SELE: variants seen among roughly 807,000 people sequenced by gnomAD.
SELE encodes E-selectin.
Under a neutral mutation model 75.8 loss-of-function variants are expected in SELE, and 52 were observed. The observed-to-expected ratio is 0.69, with a 90% CI of 0.55 to 0.86. The LOEUF is 0.86. SELE is among the 40% of genes least tolerant of loss of function. The pLI is 0.00. For missense variants in SELE, 754 were observed against 732.7 expected (o/e 1.03, Z -0.34); for synonymous variants, 285 against 258.7 (o/e 1.10, Z -0.98).
intron 7 of SELE, 75 bp from the exon 8 acceptor site, chr1:169,728,321 A>G: frequency 1.5e-6 from 2 of 1,334,410 alleles, no homozygotes; most frequent in Non-Finnish European, 2.1e-6. Flanking sequence ...GAGTGAACCC[A>G]GTTCATTCAA....
chr1:169,726,864 C>T (rs961282583), intron 10 of SELE, 58 bp from the exon 11 acceptor site: 35 of 1,229,064 alleles, frequency 2.8e-5, no homozygotes, highest in Admixed American at 2.0e-4. Flanking sequence ...AAAGTCTCTC[C>T]GTCCTGTCCC....
Position 169,727,721 on chromosome 1 carries a change from G to C in SELE, c.1468+18C>G, listed in dbSNP as rs1432401823. 1 of 1,610,500 alleles carries C rather than the reference G, an allele frequency of 6.2e-7. No individual in the cohort carries two copies. The highest frequency in any genetic ancestry group is 1.3e-5 in the African/African-American group (1 of 74,840). On this transcript the variant is annotated intron_variant, in intron 9 of 13. Transcript: ENST00000333360. ...AGTATTTGACCTGTACCCTAAAAAA[G>C]TCTGCACTCAATTCTACCTTGGCAG...
At chr1:169,733,695 G>C (rs1648975337) in intron 1 of SELE, 35 bp from the exon 2 acceptor site, 17 of 1,360,778 alleles carry the variant, frequency 1.2e-5, no homozygotes, top group Admixed American at 3.4e-5. Context: ...ATTAAAGAAG[G>C]AAATCGTGGG....
rs966700515 is a variant in SELE at position 169,723,574 on chromosome 1, C to T, written c.*951G>A. The T allele has an allele frequency of 2.6e-5, 4 of 152,174 alleles. No individual in the cohort carries two copies. The highest frequency in any genetic ancestry group is 9.7e-5 in the African/African-American group (4 of 41,440). The allele number at this position is 152,174 out of a possible 1,614,324, so 9.4% of individuals were successfully genotyped here. On this transcript the variant is annotated 3_prime_UTR_variant, in exon 14 of 14. Coordinates refer to ENST00000333360, the MANE Select transcript of SELE (RefSeq NM_000450.2). ...GAAAAAATATCTGACAATATACAAA[C>T]CTTCCATTCAGTTTTTACTCTCCAA...
chr1:169,729,064 C>T (rs111268139), intron 7 of SELE, 122 bp downstream of exon 7: 54 of 793,906 alleles, frequency 6.8e-5, no homozygotes, highest in Non-Finnish European at 8.7e-5. Context: ...CTCAAAGATA[C>T]GAGGGTTGCT....
chr1:169,726,886 T>C (rs1436628959), intron 10 of SELE, 80 bp from the exon 11 acceptor site: 1 of 923,510 alleles, frequency 1.1e-6, no homozygotes, highest in East Asian at 2.6e-5. Flanking sequence ...TTGGCCTTTT[T>C]TCTGTACATT....
Position 169,726,798 on chromosome 1 carries a change from C to T in SELE, c.1654G>A (p.Glu552Lys), listed in dbSNP as rs1424618220. 6.2e-7 allele frequency: 1 copy of T among 1,610,982 alleles called. No individual in the cohort carries two copies. The highest frequency in any genetic ancestry group is 1.3e-5 in the African/African-American group (1 of 74,968). The change falls in exon 11 of 14, where the codon GAG becomes AAG. Residue 552 changes from glutamate to lysine, a missense_variant. By Grantham distance (56) the Glu-to-Lys change is moderately conservative. Coordinates refer to ENST00000333360, the MANE Select transcript of SELE (RefSeq NM_000450.2). ...CCAGCTACCAAGGGAATGTTGGACT[C>T]AGTGGGAGCTAAGGAAGTAAGAGAC... is the stretch of plus-strand genomic sequence containing the variant. ...GLLPTCEAPT[E>K]SNIPLVAGLS...
chr1:169,730,389 G>A, intron 5 of SELE, 43 bp downstream of exon 5: 2 of 1,436,706 alleles, frequency 1.4e-6, no homozygotes, highest in South Asian at 1.5e-5. Flanking sequence ...AAGCAATGAG[G>A]GATGAGTTAC....
intron 10 of SELE, 127 bp from the exon 11 acceptor site, chr1:169,726,933 A>G (rs1648788773): frequency 1.5e-6 from 1 of 673,440 alleles, no homozygotes; most frequent in African/African-American, 1.8e-5. Flanking sequence ...AGTTTAATAC[A>G]AGAAGCAGAG....
Position 169,733,958 on chromosome 1 carries a change from G to T in SELE, c.-49+13C>A, listed in dbSNP as rs759945361. ...TGGCCCGAGGCTGCCCTTATAAAGC[G>T]TTCTGCACTTACCGTTTTGGGAAGC... On this transcript the variant is annotated intron_variant, in intron 1 of 13. Coordinates refer to ENST00000333360, the MANE Select transcript of SELE (RefSeq NM_000450.2). The T allele has an allele frequency of 1.5e-5, 4 of 273,748 alleles. No homozygotes were observed. Among genetic ancestry groups the T allele is most frequent in the Admixed American group, 4.9e-5 (1 of 20,264 alleles). 17.0% of individuals were successfully genotyped at this position (273,748 alleles called of 1,614,324 possible).
intron 13 of SELE, among the ~76,000 whole-genome samples, chr1:169,725,388 TA>T (rs200945630): frequency 1.8e-3 from 248 of 136,250 alleles, no homozygotes; most frequent in Non-Finnish European, 1.9e-3. Context: ...ATCTCAAAAT[TA>T]AAAAAAAAAA....
In SELE at chr1:169,728,238, A is replaced by G. The variant is rs767592446; in HGVS notation, c.1099T>C (p.Cys367Arg). 2 of 1,613,158 alleles carry G rather than the reference A, an allele frequency of 1.2e-6. No individual in the cohort carries two copies. Among genetic ancestry groups the G allele is most frequent in the East Asian group, 2.2e-5 (1 of 44,868 alleles). Residue 367 changes from cysteine to arginine, a missense_variant, in exon 8 of 14, where the codon TGC (cysteine) becomes CGC (arginine). Coordinates refer to ENST00000333360, the MANE Select transcript of SELE (RefSeq NM_000450.2). ...CGCTCGGGGTTGGACAAGGCTGTGC[A>G]CTGGAAAGCTGAGACATCAAAATGA... Reference protein sequence around the residue: ...QQIPVCEAFQCTALSNPERGY... With the variant: ...QQIPVCEAFQRTALSNPERGY...
At chr1:169,727,302 CT>C in intron 10 of SELE, 46 bp downstream of exon 10, 1 of 1,570,926 alleles carries the variant, frequency 6.4e-7, no homozygotes. Context: ...ATAGCTCCCC[CT>C]TTTTCTTTTT....
Position 169,732,856 on chromosome 1 carries a change from G to C in SELE, c.180C>G (p.Asn60Lys), listed in dbSNP as rs775689108. The change falls in exon 3 of 14, where the codon AAC (asparagine) becomes AAG (lysine). Residue 60 changes from asparagine (N) to lysine (K), a missense_variant. Asn to Lys is a moderately conservative substitution (Grantham distance 94, BLOSUM62 0). Coordinates refer to ENST00000333360, the MANE Select transcript of SELE (RefSeq NM_000450.2). ...IQNKEEIEYL[N>K]SILSYSPSYY... ...AACTTGGTGAATAGCTCAATATGGAGTTTAGGTACTCAATCTCTTCTTTGT... is the reference window on the plus strand; with the variant it reads ...AACTTGGTGAATAGCTCAATATGGACTTTAGGTACTCAATCTCTTCTTTGT... The C allele has an allele frequency of 3.7e-6, 6 of 1,614,180 alleles. No homozygotes were observed. The highest frequency in any genetic ancestry group is 5.1e-6 in the Non-Finnish European group (6 of 1,180,024).
intron 5 of SELE, 60 bp from the exon 6 acceptor site, chr1:169,729,733 G>T: frequency 6.5e-7 from 1 of 1,543,408 alleles, no homozygotes. Flanking sequence ...ACTTCCTATT[G>T]AGCTGGGTGC....
At position 169,727,754 on chromosome 1, in the gene SELE, C is replaced by G; in HGVS notation, c.1453G>C (p.Val485Leu). 4 of 1,613,868 alleles carry G rather than the reference C, an allele frequency of 2.5e-6. No individual in the cohort carries two copies. The highest frequency in any genetic ancestry group is 3.4e-6 in the Non-Finnish European group (4 of 1,179,862). Reference protein sequence around the residue: ...CTSQGQWTEEVPSCQVVKCSS... With the variant: ...CTSQGQWTEELPSCQVVKCSS... ...TCAATTCTACCTTGGCAGGAAGGAACCTCTTCTGTCCATTGTCCCTGAGAT... is the reference window on the plus strand; with the variant it reads ...TCAATTCTACCTTGGCAGGAAGGAAGCTCTTCTGTCCATTGTCCCTGAGAT... Residue 485 changes from valine (V) to leucine (L), a missense_variant, in exon 9 of 14, where the codon GTT becomes CTT. Val to Leu is a conservative substitution (Grantham distance 32). Coordinates refer to ENST00000333360, the MANE Select transcript of SELE (RefSeq NM_000450.2).
Position 169,723,465 on chromosome 1 carries a change from CT to C in SELE, c.*1059del, listed in dbSNP as rs1455260078. The C allele has an allele frequency of 2.0e-5, 3 of 152,126 alleles. No homozygotes were observed. In the East Asian group the frequency reaches 5.8e-4, roughly 29 times the overall value. The allele number at this position is 152,126 out of a possible 1,614,324, so 9.4% of individuals were successfully genotyped here. A position where few individuals can be genotyped will look rare whatever the true frequency, so the allele number is the denominator to read the frequency against. ...AACAAAGACATTCATAAAATTATAC[CT>C]TTGTGTGTTTGCATTTATGCTTTTA... On this transcript the variant is annotated 3_prime_UTR_variant, in exon 14 of 14. Coordinates refer to ENST00000333360, the MANE Select transcript of SELE (RefSeq NM_000450.2).
At position 169,733,578 on chromosome 1, in the gene SELE, A is replaced by T; in HGVS notation, c.35T>A (p.Leu12Ter). ...IASQFLSALT[L>*]VLLIKESGAW... ...TTGGTCTAATGGCACTGACTTACCCAAAGTGAGAGCTGAGAGAAACTGTGA... is the reference window on the plus strand; with the variant it reads ...TTGGTCTAATGGCACTGACTTACCCTAAGTGAGAGCTGAGAGAAACTGTGA... Residue 12 changes from leucine to a stop codon, truncating the protein, a stop_gained and splice_region_variant, in exon 2 of 14, where the codon TTG (leucine) becomes TAG (stop). Coordinates refer to ENST00000333360, the MANE Select transcript of SELE (RefSeq NM_000450.2). LOFTEE classifies it high-confidence loss of function. 4.3e-6 allele frequency: 7 copies of T among 1,613,964 alleles called. No homozygotes were observed. The highest frequency in any genetic ancestry group is 5.9e-6 in the Non-Finnish European group (7 of 1,179,814).
rs770263877 is a variant in SELE, at chr1:169,730,524, A to G, written c.623T>C (p.Ile208Thr). The G allele has an allele frequency of 1.4e-5, 22 of 1,613,936 alleles. 1 individual carries two copies. The South Asian group carries it at 2.4e-4, about 18-fold the overall frequency. Residue 208 changes from isoleucine (I) to threonine (T), a missense_variant, in exon 5 of 14, where the codon ATC becomes ACC. Coordinates refer to ENST00000333360, the MANE Select transcript of SELE (RefSeq NM_000450.2). ...GNFSYNSSCS[I>T]SCDRGYLPSS... is the part of the protein sequence containing the mutation. Reference sequence around the variant, plus strand: ...TGGCAGGTAACCCCTATCACAGCTGATAGAGCAGGAAGAATTGTAGCTGAA... The same window carrying G: ...TGGCAGGTAACCCCTATCACAGCTGGTAGAGCAGGAAGAATTGTAGCTGAA...
Sources: gnomAD v4.1 joint callset for allele counts (sites outside exome capture counted in the v4.1 genomes callset) on GRCh38, gnomAD v4.1.1 for gene constraint, MANE v1.5 for transcripts, NCBI Gene and HGNC (gene_info 2026-07-23, HGNC 2026-07-21) for gene names.